INTS1: variants seen among roughly 807,000 people sequenced by gnomAD.
INTS1 encodes the protein integrator complex subunit 1.
In INTS1, 137 loss-of-function variants were observed where a neutral mutation model predicts 241.6. That is an observed-to-expected ratio of 0.57 (90% CI 0.49 to 0.65). INTS1 has a LOEUF of 0.65. Ranked by LOEUF, INTS1 falls within the 30% of genes least tolerant of loss-of-function variation. INTS1 has a pLI of 0.00. For synonymous variants in INTS1, 1,692 were observed against 1,337.8 expected (o/e 1.26, Z -5.78); for missense variants, 3,073 against 3,032.2 (o/e 1.01, Z -0.32).
chr7:1,495,367 C>A, intron 13 of INTS1, 66 bp downstream of exon 13: 2 of 1,541,996 alleles, frequency 1.3e-6, no homozygotes, highest in East Asian at 4.6e-5. Flanking sequence ...AGGGGTTGTG[C>A]GGGGCCCCGG....
chr7:1,474,863 C>A, intron 39 of INTS1, 25 bp from the exon 40 acceptor site: 1 of 1,561,310 alleles, frequency 6.4e-7, no homozygotes, highest in East Asian at 2.4e-5. Flanking sequence ...GCTCTGAGGC[C>A]GGGGCCGCTG....
At chr7:1,472,033 G>C (rs1360777259) in intron 44 of INTS1, among the ~76,000 whole-genome samples, 1 of 152,178 alleles carries the variant, frequency 6.6e-6, no homozygotes, top group African/African-American at 2.4e-5. Flanking sequence ...ACCTTAGGGG[G>C]CTCCCCTGCT....
In INTS1 at chr7:1,498,947, CGCCCACCCCCCCGGGGCG is replaced by C; in HGVS notation, c.1137+10_1137+27del. ...CAGAGCCTGCCCCCACCCCCTGCCC[CGCCCACCCCCCCGGGGCG>C]CCCCCGCACCTTGGGGTTCTGCAGC... On this transcript the variant is annotated intron_variant, in intron 8 of 47. Transcript: ENST00000404767. The C allele has an allele frequency of 7.5e-7, 1 of 1,339,444 alleles. No individual in the cohort carries two copies. The highest frequency in any genetic ancestry group is 1.0e-6 in the Non-Finnish European group (1 of 979,890). The allele number at this position is 1,339,444 out of a possible 1,614,324, so 83.0% of individuals were successfully genotyped here.
At chr7:1,479,022 G>T in intron 31 of INTS1, 137 bp from the exon 32 acceptor site, 2 of 986,822 alleles carry the variant, frequency 2.0e-6, no homozygotes, top group Non-Finnish European at 2.9e-6. Flanking sequence ...ACCTCATCCC[G>T]CCTCCTGTCT....
chr7:1,479,794 G>T, intron 30 of INTS1, 110 bp from the exon 31 acceptor site: 2 of 1,208,002 alleles, frequency 1.7e-6, no homozygotes, highest in Non-Finnish European at 2.2e-6. Context: ...GTCCCATCGT[G>T]TCCCTGTTCA....
At chr7:1,478,547 C>T in intron 32 of INTS1, 41 bp from the exon 33 acceptor site, 1 of 1,595,436 alleles carries the variant, frequency 6.3e-7, no homozygotes. Context: ...CTCCAGCCCT[C>T]ACCCCATCGG....
chr7:1,473,805 C>A, intron 41 of INTS1, 112 bp from the exon 42 acceptor site: 3 of 1,349,658 alleles, frequency 2.2e-6, no homozygotes, highest in Non-Finnish European at 2.0e-6. Context: ...AGCCAACGAG[C>A]CCCCTCTGCC....
chr7:1,479,407 G>A (rs775189005), intron 31 of INTS1, 23 bp downstream of exon 31: 22 of 1,556,252 alleles, frequency 1.4e-5, no homozygotes, highest in Middle Eastern at 3.6e-4. Flanking sequence ...CTCCTCCCCC[G>A]CAAGAGGCCC....
intron 39 of INTS1, among the ~76,000 whole-genome samples, 187 bp from the exon 40 acceptor site, chr7:1,475,025 C>T (rs1464150270): frequency 6.6e-6 from 1 of 152,228 alleles, no homozygotes; most frequent in South Asian, 2.1e-4. Flanking sequence ...TCTGGGAAAA[C>T]CCCATACAGA....
chr7:1,470,567 T>A lies in INTS1; in HGVS notation c.*10A>T. The A allele has an allele frequency of 6.5e-7, 1 of 1,540,070 alleles. No individual in the cohort carries two copies. Among genetic ancestry groups the A allele is most frequent in the South Asian group, 1.2e-5 (1 of 83,710 alleles). The stretch of plus-strand genomic sequence containing the variant: ...GGCCGGGGCTTGGAGGGGGGTCGGC[T>A]GCCACAGGCTCACATCACGGCCTCC... On this transcript the variant is annotated 3_prime_UTR_variant, in exon 48 of 48. Coordinates refer to ENST00000404767, the MANE Select transcript of INTS1 (RefSeq NM_001080453.3).
chr7:1,503,356 G>A (rs1273242962), intron 2 of INTS1, among the ~76,000 whole-genome samples, 165 bp from the exon 3 acceptor site: 1 of 152,220 alleles, frequency 6.6e-6, no homozygotes, highest in Admixed American at 6.5e-5. Context: ...GGGACCAGCA[G>A]GATACGCACA....
In INTS1 at chr7:1,474,112, G is replaced by A. The variant is rs906855205; in HGVS notation, c.5829+56C>T. 7 of 1,497,054 alleles carry A rather than the reference G, an allele frequency of 4.7e-6. No individual in the cohort carries two copies. The African/African-American group carries it at 6.9e-5, about 15-fold the overall frequency. 92.7% of individuals were successfully genotyped at this position (1,497,054 alleles called of 1,614,324 possible). ...CTCCGCGAGTGGGTGAGGCAGGCCT[G>A]GGCCAGAGCAGAGGGAGTGGAAGGG... On this transcript the variant is annotated intron_variant, in intron 41 of 47. Transcript: ENST00000404767.
rs767519267 is a variant in INTS1, at chr7:1,499,300, G to A, written c.905C>T (p.Ala302Val). The A allele has an allele frequency of 8.1e-6, 13 of 1,607,994 alleles. No homozygotes were observed. The highest frequency in any genetic ancestry group is 1.7e-4 in the Middle Eastern group (1 of 6,060). ...CTGCTCGGGGCTCAGCTTCTCCTCCGCGATCAGCAACTCCGTCTGGCTGTC... is the reference window on the plus strand; with the variant it reads ...CTGCTCGGGGCTCAGCTTCTCCTCCACGATCAGCAACTCCGTCTGGCTGTC... ...EEDSQTELLI[A>V]EEKLSPEQEG... The change falls in exon 7 of 48, where the codon GCG becomes GTG. Residue 302 changes from alanine to valine, a missense_variant. Coordinates refer to ENST00000404767, the MANE Select transcript of INTS1 (RefSeq NM_001080453.3).
Position 1,489,636 on chromosome 7 carries a change from A to G in INTS1, c.2212T>C (p.Trp738Arg). 6.3e-7 allele frequency: 1 copy of G among 1,590,686 alleles called. No homozygotes were observed. Among genetic ancestry groups the G allele is most frequent in the Non-Finnish European group, 8.6e-7 (1 of 1,167,834 alleles). ...GCGGCGACGACCAGCAGGAGGGGCCAGGCCTTCCAGTAGAGGGTAGAGATG... is the reference window on the plus strand; with the variant it reads ...GCGGCGACGACCAGCAGGAGGGGCCGGGCCTTCCAGTAGAGGGTAGAGATG... ...LAISTLYWKA[W>R]PLLLVVAAFN... The change falls in exon 17 of 48, where the codon TGG (tryptophan) becomes CGG (arginine). Residue 738 changes from tryptophan to arginine, a missense_variant. Physicochemically the swap from Trp to Arg is moderately radical, Grantham distance 101. Transcript: ENST00000404767.
Position 1,485,413 on chromosome 7 carries a change from G to A in INTS1, c.3033C>T (p.Pro1011=), listed in dbSNP as rs977447303. 1.2e-6 allele frequency: 2 copies of A among 1,612,824 alleles called. No individual in the cohort carries two copies. Among genetic ancestry groups the A allele is most frequent in the South Asian group, 2.2e-5 (2 of 91,090 alleles). Residue 1011 remains proline (P), a synonymous_variant, in exon 23 of 48, where the codon CCC becomes CCT. Transcript: ENST00000404767. ...GSLRDGEEKE[P]PMEEDVGDTD... ...TGTCCCCCACATCCTCCTCCATGGG[G>A]GGCTCCTTCTCCTCCCCGTCCCGCA...
At position 1,474,759 on chromosome 7, in the gene INTS1, T is replaced by C. The variant is rs1781632536; in HGVS notation, c.5582A>G (p.Asp1861Gly). Residue 1861 changes from aspartate (D) to glycine (G), a missense_variant, in exon 40 of 48, where the codon GAT becomes GGT. Transcript: ENST00000404767. The stretch of plus-strand genomic sequence containing the variant: ...CAGCTTCCGGCAGGCCATGCTGGCA[T>C]CCGCCCCTCGGTTCTCCAACGCCCG... ...DSRALENRGA[D>G]ASMACRKLAV... The C allele has an allele frequency of 1.9e-6, 3 of 1,568,836 alleles. No individual in the cohort carries two copies. The highest frequency in any genetic ancestry group is 1.2e-5 in the South Asian group (1 of 85,166).
chr7:1,476,424 T>A lies in INTS1; in HGVS notation c.5183A>T (p.Gln1728Leu). The change falls in exon 38 of 48, where the codon CAG (glutamine) becomes CTG (leucine). Residue 1728 changes from glutamine (Q) to leucine (L), a missense_variant. Transcript: ENST00000404767. ...KRREELVLRV[Q>L]GPELISLVEL... ...CACCAGGCTGATGAGCTCCGGGCCCTGGACCCGCAGCACCAGCTCCTCCCG... is the reference window on the plus strand; with the variant it reads ...CACCAGGCTGATGAGCTCCGGGCCCAGGACCCGCAGCACCAGCTCCTCCCG... 1 of 1,569,920 alleles carries A rather than the reference T, an allele frequency of 6.4e-7. No individual in the cohort carries two copies. Among genetic ancestry groups the A allele is most frequent in the Non-Finnish European group, 8.6e-7 (1 of 1,163,240 alleles).
At position 1,474,200 on chromosome 7, in the gene INTS1, C is replaced by A. The variant is rs755012382; in HGVS notation, c.5797G>T (p.Asp1933Tyr). Residue 1933 changes from aspartate to tyrosine, a missense_variant, in exon 41 of 48, where the codon GAC becomes TAC. Physicochemically the swap from Asp to Tyr is radical, Grantham distance 160 (BLOSUM62 -3). Transcript: ENST00000404767. ...AGGCGGATGAAGGACAGAAGGCAGT[C>A]CCACAGCGCCCCCTGGTGCTCGCTG... ...FRSEHQGALWDCLLSFIRLLL... is the reference protein window; with the variant it reads ...FRSEHQGALWYCLLSFIRLLL... The A allele has an allele frequency of 1.3e-6, 2 of 1,588,126 alleles. No individual in the cohort carries two copies. The highest frequency in any genetic ancestry group is 1.7e-5 in the Admixed American group (1 of 58,634).
intron 9 of INTS1, 38 bp from the exon 10 acceptor site, chr7:1,498,591 G>A (rs778782405): frequency 7.5e-6 from 12 of 1,600,384 alleles, no homozygotes; most frequent in African/African-American, 1.5e-5. Context: ...TCCCCGCTAC[G>A]CCTGTGCCCC....
Sources: allele counts gnomAD v4.1 joint callset (sites outside exome capture counted in the v4.1 genomes callset), GRCh38; gene constraint gnomAD v4.1.1; transcripts MANE v1.5; gene names NCBI Gene and HGNC (gene_info 2026-07-23, HGNC 2026-07-21).